Variants in PRSS53 observed in about 807,000 individuals in gnomAD.
The protein encoded by PRSS53 is EDTP308.
PRSS53 carries 54 observed loss-of-function variants against 62.7 expected under a neutral mutation model. That is an observed-to-expected ratio of 0.86 (90% CI 0.69 to 1.08). PRSS53 has a LOEUF of 1.08. Ranked by LOEUF, PRSS53 falls within the 50% of genes least tolerant of loss-of-function variation. The pLI is 0.00. For synonymous variants in PRSS53, 273 were observed against 300.0 expected, an observed-to-expected ratio of 0.91 and a Z score of 0.93; for missense variants, 688 against 728.3, an observed-to-expected ratio of 0.94 and a Z score of 0.64.
At chr16:31,085,368 G>A in intron 6 of PRSS53, 108 bp from the exon 7 acceptor site, 3 of 1,298,780 alleles carry the variant, frequency 2.3e-6, no homozygotes, top group Non-Finnish European at 3.1e-6. Context: ...CATTACTGAA[G>A]GTAACCAAAG....
chr16:31,088,171 G>A (rs748240549), intron 1 of PRSS53: 65 of 1,265,340 alleles, frequency 5.1e-5, no homozygotes, highest in Non-Finnish European at 6.5e-5. Context: ...GAGAGCATTA[G>A]CTTAATTGTC....
rs772720612 is a variant in PRSS53 at position 31,086,320 on chromosome 16, T to C, written c.663+17A>G. 1.9e-6 allele frequency: 3 copies of C among 1,601,016 alleles called. No individual in the cohort carries two copies. Among genetic ancestry groups the C allele is most frequent in the Non-Finnish European group, 2.6e-6 (3 of 1,171,910 alleles). ...TAGGCCCCTCCCCTTCTGCTCCTTC[T>C]CTTCTCCCTATCAGACCTGACAGGG... On this transcript the variant is annotated intron_variant, in intron 5 of 10. Transcript: ENST00000280606.
At chr16:31,086,811 C>A (rs377393908) in exon 4 of PRSS53, 17 of 1,613,652 alleles carry the variant, frequency 1.1e-5, no homozygotes, top group African/African-American at 6.7e-5. Flanking sequence ...GGGCAGCCAC[C>A]CCCACCTCTT....
At chr16:31,086,935 CA>C (rs774182492) in intron 3 of PRSS53, 37 bp from the exon 4 acceptor site, 18 of 1,545,434 alleles carry the variant, frequency 1.2e-5, no homozygotes, top group Non-Finnish European at 1.6e-5. Flanking sequence ...CTGCTGAGTG[CA>C]AGGGTAGACA....
rs565753247 is a variant in PRSS53 at position 31,087,903 on chromosome 16, G to C, written c.59-77C>G. The C allele has an allele frequency of 2.5e-6, 4 of 1,590,302 alleles. No individual in the cohort carries two copies. The Admixed American group carries it at 5.4e-5, about 21-fold the overall frequency. Reference sequence around the variant, plus strand: ...TTTGGGGAGGAGAGGGGATGGGCTGGGGGGCGGGCCCAGGGTCCTTGCCTG... The same window carrying C: ...TTTGGGGAGGAGAGGGGATGGGCTGCGGGGCGGGCCCAGGGTCCTTGCCTG... On this transcript the variant is annotated intron_variant, in intron 1 of 10. Transcript: ENST00000280606.
At position 31,085,959 on chromosome 16, in the gene PRSS53, C is replaced by T. The variant is rs755259638; in HGVS notation, c.883+5G>A. 1.6e-5 allele frequency: 26 copies of T among 1,605,782 alleles called. No homozygotes were observed. The highest frequency in any genetic ancestry group is 3.4e-4 in the Middle Eastern group (2 of 5,878). On this transcript the variant is annotated splice_donor_5th_base_variant and intron_variant, in intron 6 of 10. Coordinates refer to ENST00000280606, the Ensembl canonical transcript of PRSS53. ...CTGCCCACTCCCAGCATGCCCCACT[C>T]GTACCTACACAGCTGTCCTCATCAC...
At chr16:31,083,676 C>A in exon 11 of PRSS53, 1 of 1,584,504 alleles carries the variant, frequency 6.3e-7, no homozygotes. Context: ...AGCTGCTGGG[C>A]TTCTGGGCCT....
exon 4 of PRSS53, chr16:31,086,872 C>A (rs1370049442): frequency 3.1e-6 from 5 of 1,603,072 alleles, no homozygotes; most frequent in East Asian, 4.5e-5. Context: ...GACCACTGAC[C>A]AGGAATTCAG....
At chr16:31,087,693 C>T in exon 3 of PRSS53, 1 of 1,613,260 alleles carries the variant, frequency 6.2e-7, no homozygotes, top group Admixed American at 1.7e-5. Flanking sequence ...GCCACGCTGT[C>T]CACAGGCTGT....
At chr16:31,085,997 T>G in exon 6 of PRSS53, 1 of 1,613,926 alleles carries the variant, frequency 6.2e-7, no homozygotes, top group Non-Finnish European at 8.5e-7. Context: ...ATCTCCGGGG[T>G]CTCTGGGCTC....
chr16:31,088,375 A>G, intron 1 of PRSS53: 1 of 1,146,566 alleles, frequency 8.7e-7, no homozygotes, highest in East Asian at 5.7e-5. Flanking sequence ...CAGGCACCCC[A>G]TGAGACAGCT....
At chr16:31,088,661 TC>T (rs1567418623) in intron 1 of PRSS53, 90 bp downstream of exon 1, 3 of 1,593,606 alleles carry the variant, frequency 1.9e-6, no homozygotes, top group Non-Finnish European at 8.5e-7. Context: ...CCACAGGCGG[TC>T]CCCCCACCAA....
At chr16:31,083,784 C>G (rs754250106) in exon 11 of PRSS53, 1 of 1,614,066 alleles carries the variant, frequency 6.2e-7, no homozygotes. Flanking sequence ...ATGGCCAGGT[C>G]CCCTGTCAGC....
chr16:31,088,746 G>C lies in PRSS53; in HGVS notation c.58+6C>G, dbSNP rs1315845748. The C allele has an allele frequency of 2.5e-6, 4 of 1,613,364 alleles. No individual in the cohort carries two copies. Among genetic ancestry groups the C allele is most frequent in the Non-Finnish European group, 3.4e-6 (4 of 1,180,020 alleles). ...CACACCCATACCCCAGCACATGGCG[G>C]CTTACCCTCCATGAGGACTGTGGCA... On this transcript the variant is annotated splice_donor_region_variant and intron_variant, in intron 1 of 10. Transcript: ENST00000280606.
At chr16:31,085,561 C>T (rs2057223617) in intron 6 of PRSS53, among the ~76,000 whole-genome samples, 1 of 152,200 alleles carries the variant, frequency 6.6e-6, no homozygotes, top group Admixed American at 6.5e-5. Context: ...CAGGATGGGC[C>T]TGCCTCCCGT....
At chr16:31,086,276 C>T (rs1048916180) in intron 5 of PRSS53, 61 bp downstream of exon 5, 4 of 1,583,934 alleles carry the variant, frequency 2.5e-6, no homozygotes, top group Admixed American at 3.4e-5. Flanking sequence ...TCCTGTGAGT[C>T]CAACCCCCAG....
intron 6 of PRSS53, 98 bp from the exon 7 acceptor site, chr16:31,085,358 C>T: frequency 7.3e-7 from 1 of 1,365,776 alleles, no homozygotes; most frequent in Non-Finnish European, 9.7e-7. Context: ...TTGTTCCCCT[C>T]ATTACTGAAG....
Position 31,086,195 on chromosome 16 carries a change from C to T in PRSS53, c.664-12G>A, listed in dbSNP as rs1195337101. 1 of 1,608,256 alleles carries T rather than the reference C, an allele frequency of 6.2e-7. No individual in the cohort carries two copies. Among genetic ancestry groups the T allele is most frequent in the Non-Finnish European group, 8.5e-7 (1 of 1,178,532 alleles). On this transcript the variant is annotated splice_polypyrimidine_tract_variant and intron_variant, in intron 5 of 10. Transcript: ENST00000280606. ...CCCCCGGAATCTCCCTGGAGCCAGG[C>T]AACAAAGCCAAGGACAGATGCCTGA...
intron 3 of PRSS53, 42 bp from the exon 4 acceptor site, chr16:31,086,940 G>C: frequency 5.9e-6 from 9 of 1,536,068 alleles, no homozygotes; most frequent in Non-Finnish European, 7.9e-6. Context: ...GAGTGCAAGG[G>C]TAGACAGTGA....
Sources: gnomAD v4.1 joint callset for allele counts (sites outside exome capture counted in the v4.1 genomes callset) on GRCh38, gnomAD v4.1.1 for gene constraint, MANE v1.5 for transcripts, NCBI Gene and HGNC (gene_info 2026-07-23, HGNC 2026-07-21) for gene names.